Variants in CAMK2B observed in about 807,000 individuals in gnomAD.
The protein encoded by CAMK2B is calcium/calmodulin-dependent protein kinase type II subunit beta.
CAMK2B carries 27 observed loss-of-function variants against 93.7 expected under a neutral mutation model. The ratio of observed to expected loss-of-function variants is 0.29; its 90% CI spans 0.21 to 0.40. The LOEUF is 0.40. Ranked by LOEUF, CAMK2B falls within the 10% of genes least tolerant of loss-of-function variation. CAMK2B has a pLI of 1.00. For synonymous variants in CAMK2B, 374 were observed against 358.8 expected, an observed-to-expected ratio of 1.04 and a Z score of -0.48; for missense variants, 568 against 895.8, an observed-to-expected ratio of 0.63 and a Z score of 4.67.
At chr7:44,273,470 G>A (rs780155991) in intron 2 of CAMK2B, among the ~76,000 whole-genome samples, 4 of 152,140 alleles carry the variant, frequency 2.6e-5, no homozygotes, top group Admixed American at 6.5e-5. Context: ...GGAAAACAAC[G>A]GTGGCCCCCC....
At chr7:44,227,178 G>GGGTGCAGGGGACAGAGAGA (rs1189762319) in intron 19 of CAMK2B, among the ~76,000 whole-genome samples, 1 of 5,222 alleles carries the variant, frequency 1.9e-4, no homozygotes, top group Admixed American at 1.7e-3. Flanking sequence ...GGACAGAGGA[G>GGGTGCAGGGGACAGAGAGA]GGTGCAGGGG....
chr7:44,231,582 T>C (rs1450410032), intron 16 of CAMK2B, among the ~76,000 whole-genome samples: 4 of 152,178 alleles, frequency 2.6e-5, no homozygotes, highest in Admixed American at 2.6e-4. Flanking sequence ...TCATCCAAAA[T>C]ACAGGGTGAG....
chr7:44,317,844 G>T (rs1036768103), intron 1 of CAMK2B, among the ~76,000 whole-genome samples: 2 of 152,152 alleles, frequency 1.3e-5, no homozygotes, highest in Non-Finnish European at 2.9e-5. Flanking sequence ...AGAACCAAGG[G>T]TTATATGAAG....
chr7:44,236,599 C>G (rs1012189929), intron 13 of CAMK2B, among the ~76,000 whole-genome samples: 7 of 152,222 alleles, frequency 4.6e-5, no homozygotes, highest in Non-Finnish European at 8.8e-5. Flanking sequence ...AACCCTCCCC[C>G]TCGCTGCAGC....
At position 44,219,283 on chromosome 7, in the gene CAMK2B, GT is replaced by G. The variant is rs11379227; in HGVS notation, c.*241del. ...CTTTTTCCTTCCTTTAGTTTTTTTT[GT>G]TTTTTTTTTTTTTCATTTCATCTGA... On this transcript the variant is annotated 3_prime_UTR_variant, in exon 24 of 24. Coordinates refer to ENST00000395749, the MANE Select transcript of CAMK2B (RefSeq NM_001220.5). The G allele has an allele frequency of 8.8e-3, 717 of 81,660 alleles. 1 individual carries two copies. The highest frequency in any genetic ancestry group is 0.032 in the East Asian group (89 of 2,788). 5.1% of individuals were successfully genotyped at this position (81,660 alleles called of 1,614,324 possible). A position where few individuals can be genotyped will look rare whatever the true frequency, so the allele number is the denominator to read the frequency against.
chr7:44,262,949 C>T, intron 3 of CAMK2B, 56 bp downstream of exon 3: 2 of 1,454,888 alleles, frequency 1.4e-6, no homozygotes, highest in Non-Finnish European at 1.9e-6. Context: ...CCGGAATGGG[C>T]TGCTGTCCGG....
intron 2 of CAMK2B, among the ~76,000 whole-genome samples, chr7:44,267,453 G>A (rs1010172379): frequency 2.0e-5 from 3 of 152,170 alleles, no homozygotes; most frequent in African/African-American, 7.2e-5. Context: ...CTGATGTGAA[G>A]CTTGGAGAGG....
intron 13 of CAMK2B, among the ~76,000 whole-genome samples, chr7:44,234,952 G>A (rs938528950): frequency 6.6e-6 from 1 of 152,218 alleles, no homozygotes; most frequent in Non-Finnish European, 1.5e-5. Context: ...CGTGGGTGCT[G>A]GGGAGCCCCC....
chr7:44,229,296 G>A (rs758957051), intron 18 of CAMK2B, 92 bp downstream of exon 18: 50 of 825,786 alleles, frequency 6.1e-5, no homozygotes, highest in Middle Eastern at 2.9e-4. Context: ...CAGGGTCCAC[G>A]CTCAGCCTGC....
At chr7:44,263,919 C>G (rs1025739621) in intron 2 of CAMK2B, 9 of 154,796 alleles carry the variant, frequency 5.8e-5, no homozygotes, top group Non-Finnish European at 8.8e-5. Context: ...GTGGAGGGAA[C>G]GAGCAGCAAA....
At chr7:44,321,864 A>G (rs1796158032) in intron 1 of CAMK2B, among the ~76,000 whole-genome samples, 1 of 152,266 alleles carries the variant, frequency 6.6e-6, no homozygotes, top group South Asian at 2.1e-4. Context: ...GAGGAATGGC[A>G]GCACCCAGGG....
At chr7:44,249,616 G>A (rs2096761139) in intron 5 of CAMK2B, among the ~76,000 whole-genome samples, 1 of 152,158 alleles carries the variant, frequency 6.6e-6, no homozygotes, top group Non-Finnish European at 1.5e-5. Flanking sequence ...ACTTTCCTCT[G>A]CCCTTGGGCA....
intron 3 of CAMK2B, among the ~76,000 whole-genome samples, chr7:44,261,410 G>T (rs1004728686): frequency 6.6e-6 from 1 of 152,240 alleles, no homozygotes; most frequent in Non-Finnish European, 1.5e-5. Context: ...CATCTATGAA[G>T]GTACCTCACT....
At chr7:44,319,271 CAG>C (rs1385581705) in intron 1 of CAMK2B, among the ~76,000 whole-genome samples, 2 of 152,320 alleles carry the variant, frequency 1.3e-5, no homozygotes, top group African/African-American at 4.8e-5. Flanking sequence ...TCACGGAACA[CAG>C]GGAAATGGGA....
chr7:44,235,597 C>T (rs555266896), intron 13 of CAMK2B, among the ~76,000 whole-genome samples: 2 of 152,336 alleles, frequency 1.3e-5, no homozygotes, highest in East Asian at 3.9e-4. Flanking sequence ...AGAGAGAAAA[C>T]AAGATTTGTG....
chr7:44,253,790 G>A (rs1301093636), intron 5 of CAMK2B, among the ~76,000 whole-genome samples: 1 of 151,844 alleles, frequency 6.6e-6, no homozygotes, highest in Non-Finnish European at 1.5e-5. Context: ...TAGAGAGGGG[G>A]TCTCATTATA....
rs560393734 is a variant in CAMK2B, at chr7:44,299,073, TCAAA to T, written c.66-14852_66-14849del. On this transcript the variant is annotated intron_variant, in intron 1 of 23. Coordinates refer to ENST00000395749, the MANE Select transcript of CAMK2B (RefSeq NM_001220.5). ...TCCAAAAAAAATGTAAAGCAGGGAC[TCAAA>T]CAGATACTTGTATACAATATTCATA... Among the ~76,000 whole-genome samples, 18 of 152,280 alleles carry T rather than the reference TCAAA, an allele frequency of 1.2e-4. No individual in the cohort carries two copies. The East Asian group carries it at 3.1e-3, about 26-fold the overall frequency.
rs2096739116 is a variant in CAMK2B, at chr7:44,247,111, G to C, written c.414+9C>G. On this transcript the variant is annotated intron_variant, in intron 6 of 23. Coordinates refer to ENST00000395749, the MANE Select transcript of CAMK2B (RefSeq NM_001220.5). ...CAGACACCTGGCACAGAGTGGGGTG[G>C]GGACTCACCTTGAGGTCTCTGTGGA... The C allele has an allele frequency of 2.5e-6, 4 of 1,610,310 alleles. No individual in the cohort carries two copies. The highest frequency in any genetic ancestry group is 3.4e-6 in the Non-Finnish European group (4 of 1,176,642).
chr7:44,257,401 T>C (rs932502555), intron 4 of CAMK2B, among the ~76,000 whole-genome samples: 2 of 152,192 alleles, frequency 1.3e-5, no homozygotes, highest in African/African-American at 2.4e-5. Context: ...GCGGGAGACA[T>C]GAGAGTCTCT....
Sources: gnomAD v4.1 joint callset for allele counts (sites outside exome capture counted in the v4.1 genomes callset) on GRCh38, gnomAD v4.1.1 for gene constraint, MANE v1.5 for transcripts, NCBI Gene and HGNC (gene_info 2026-07-23, HGNC 2026-07-21) for gene names.